Variants in DCAF8L2 observed in about 807,000 individuals in gnomAD.
DCAF8L2 encodes DDB1- and CUL4-associated factor 8-like protein 2.
For synonymous variants in DCAF8L2, 200 were observed against 190.9 expected, an observed-to-expected ratio of 1.05 and a Z score of -0.39; for missense variants, 430 against 490.7, an observed-to-expected ratio of 0.88 and a Z score of 1.17.
chrX:27,603,989 A>G (rs767895732), intron 1 of DCAF8L2, among the ~76,000 whole-genome samples: 1 of 111,754 alleles, frequency 8.9e-6, no homozygotes, highest in East Asian at 2.8e-4. Flanking sequence ...TTTTCCACTG[A>G]TTGATTAAAA....
chrX:27,589,821 C>T (rs1925993799), upstream of DCAF8L2, among the ~76,000 whole-genome samples: 1 of 112,042 alleles, frequency 8.9e-6, no homozygotes, highest in Admixed American at 9.5e-5. Flanking sequence ...TCCTTTCCCC[C>T]TTTCAATTAA....
At chrX:27,540,196 T>C in the DCAF8L2 span, among the ~76,000 whole-genome samples, 2 of 111,857 alleles carry the variant, frequency 1.8e-5, no homozygotes, top group Non-Finnish European at 3.8e-5. Context: ...GGATATTTTA[T>C]AGGCTTCTCT....
At chrX:27,648,912 G>T (rs1345499588) in intron 2 of DCAF8L2, among the ~76,000 whole-genome samples, 1 of 111,776 alleles carries the variant, frequency 8.9e-6, no homozygotes, top group Admixed American at 9.5e-5. Context: ...CTGGCAAGTG[G>T]GTTAGTACTG....
the DCAF8L2 span, among the ~76,000 whole-genome samples, chrX:27,505,099 G>A: frequency 6.7e-3 from 745 of 111,456 alleles, 19 homozygotes; most frequent in East Asian, 0.11. Flanking sequence ...TAGAGCAAAT[G>A]ATCATCTTAA....
chrX:27,628,173 G>T (rs1382933899), intron 1 of DCAF8L2, among the ~76,000 whole-genome samples: 1 of 111,276 alleles, frequency 9.0e-6, no homozygotes, highest in Non-Finnish European at 1.9e-5. Flanking sequence ...TCATATAAGT[G>T]AAATCATGCA....
the DCAF8L2 span, among the ~76,000 whole-genome samples, chrX:27,533,167 A>AAAGG: frequency 1.9e-4 from 2 of 10,341 alleles, no homozygotes; most frequent in Non-Finnish European, 5.6e-4. Context: ...AGAGAGAGAG[A>AAAGG]AAGAAAGAAA....
chrX:27,705,535 T>C (rs1166620239), intron 3 of DCAF8L2, among the ~76,000 whole-genome samples: 2 of 95,205 alleles, frequency 2.1e-5, no homozygotes, highest in East Asian at 6.5e-4. Flanking sequence ...TGCATTGCTT[T>C]AATGATCAGT....
the DCAF8L2 span, among the ~76,000 whole-genome samples, chrX:27,506,792 G>A: frequency 9.0e-6 from 1 of 111,189 alleles, no homozygotes; most frequent in South Asian, 3.8e-4. Flanking sequence ...GGGTTCAAGC[G>A]ATTCTCCCTT....
the DCAF8L2 span, among the ~76,000 whole-genome samples, chrX:27,514,320 A>G: frequency 5.5e-5 from 4 of 72,743 alleles, no homozygotes; most frequent in Non-Finnish European, 7.5e-5. Flanking sequence ...TGTATATGGT[A>G]ATTTCCCTCA....
rs1193399951 is a variant in DCAF8L2, at chrX:27,748,718, C to G, written c.1823C>G (p.Ser608Trp). Residue 608 changes from serine to tryptophan, a missense_variant, in exon 5 of 5, where the codon TCG (serine) becomes TGG (tryptophan). Physicochemically the swap from Ser to Trp is radical, Grantham distance 177. Coordinates refer to ENST00000451261, the MANE Select transcript of DCAF8L2 (RefSeq NM_001353450.2). ...SGEAEFPDEE[S>W]DESSSTSETS... ...GAAGCTGAATTTCCAGATGAAGAAT[C>G]GGATGAGTCTTCCAGCACTTCAGAG... 12 of 1,197,105 alleles carry G rather than the reference C, an allele frequency of 1.0e-5. No homozygotes were observed. The highest frequency in any genetic ancestry group is 4.5e-6 in the Non-Finnish European group (4 of 887,840).
chrX:27,705,269 A>T (rs971884370), intron 3 of DCAF8L2, among the ~76,000 whole-genome samples: 8 of 111,067 alleles, frequency 7.2e-5, no homozygotes, highest in African/African-American at 2.6e-4. Context: ...AAACATTTCT[A>T]TACAAGTTTT....
At chrX:27,696,268 G>GAA (rs1555929219) in intron 3 of DCAF8L2, among the ~76,000 whole-genome samples, 2 of 74,854 alleles carry the variant, frequency 2.7e-5, no homozygotes, top group Non-Finnish European at 5.0e-5. Context: ...AAGAGAGAGA[G>GAA]AGAAAGAAAG....
At chrX:27,554,982 A>C in the DCAF8L2 span, among the ~76,000 whole-genome samples, 2 of 111,654 alleles carry the variant, frequency 1.8e-5, no homozygotes, top group Non-Finnish European at 3.8e-5. Context: ...GGCCACACAG[A>C]GGATCCCATA....
At chrX:27,593,187 C>G (rs969171820) in intron 1 of DCAF8L2, among the ~76,000 whole-genome samples, 27 of 111,665 alleles carry the variant, frequency 2.4e-4, no homozygotes, top group Admixed American at 6.7e-4. Flanking sequence ...CTCCAGAACT[C>G]TTTTCATCTT....
the DCAF8L2 span, among the ~76,000 whole-genome samples, chrX:27,545,674 C>G: frequency 9.0e-6 from 1 of 111,414 alleles, no homozygotes; most frequent in South Asian, 3.8e-4. Context: ...TGTTTTGACA[C>G]TGCTATAAAG....
rs1382143991 is a variant in DCAF8L2, at chrX:27,747,627, C to T, written c.732C>T (p.Ala244=). The change falls in exon 5 of 5, where the codon GCC becomes GCT. Residue 244 remains alanine (A), a synonymous_variant. Coordinates refer to ENST00000451261, the MANE Select transcript of DCAF8L2 (RefSeq NM_001353450.2). ...VHFNQRGTRL[A]SSGDDLKVIV... is the part of the protein sequence containing the mutation. ...TTAACCAGCGTGGCACCCGGCTGGC[C>T]AGTAGCGGTGATGACCTAAAGGTGA... The T allele has an allele frequency of 8.3e-7, 1 of 1,206,894 alleles. No individual in the cohort carries two copies.
At chrX:27,611,538 C>T (rs938149153) in intron 1 of DCAF8L2, among the ~76,000 whole-genome samples, 7 of 109,769 alleles carry the variant, frequency 6.4e-5, no homozygotes, top group African/African-American at 1.7e-4. Context: ...TGGTTTGCTG[C>T]GCCCATTAAC....
chrX:27,636,390 A>G (rs144824683), intron 2 of DCAF8L2, among the ~76,000 whole-genome samples: 1,560 of 112,146 alleles, frequency 0.014, 67 homozygotes, highest in East Asian at 0.11. Flanking sequence ...AATTGCTAAC[A>G]TTGAGCTATC....
chrX:27,675,216 C>T (rs773570056), intron 2 of DCAF8L2, among the ~76,000 whole-genome samples: 8 of 111,381 alleles, frequency 7.2e-5, no homozygotes, highest in Non-Finnish European at 1.3e-4. Context: ...CCTCCATAAA[C>T]TGTCCCCCAT....
Sources: gnomAD v4.1 joint callset for allele counts (sites outside exome capture counted in the v4.1 genomes callset) on GRCh38, gnomAD v4.1.1 for gene constraint, MANE v1.5 for transcripts, NCBI Gene and HGNC (gene_info 2026-07-23, HGNC 2026-07-21) for gene names.